The following RTF2 variants were observed in gnomAD, a reference collection of about 807,000 sequenced individuals.
RTF2 encodes replication termination factor 2, also known as UPF0549 protein C20orf43.
Under a neutral mutation model 38.0 loss-of-function variants are expected in RTF2, and 18 were observed. The ratio of observed to expected loss-of-function variants is 0.47; its 90% CI spans 0.33 to 0.70. RTF2 has a LOEUF of 0.70. Ranked by LOEUF, RTF2 falls within the 30% of genes least tolerant of loss-of-function variation. RTF2 has a pLI of 0.02. For missense variants in RTF2, 311 were observed against 379.6 expected, an observed-to-expected ratio of 0.82 and a Z score of 1.50; for synonymous variants, 126 against 137.1, an observed-to-expected ratio of 0.92 and a Z score of 0.57.
chr20:56,473,379 G>A lies in RTF2; in HGVS notation c.148G>A (p.Ala50Thr). 1 of 1,612,232 alleles carries A rather than the reference G, an allele frequency of 6.2e-7. No individual in the cohort carries two copies. The highest frequency in any genetic ancestry group is 8.5e-7 in the Non-Finnish European group (1 of 1,178,396). Residue 50 changes from alanine (A) to threonine (T), a missense_variant, in exon 2 of 9, where the codon GCC (alanine) becomes ACC (threonine). Physicochemically the swap from Ala to Thr is moderately conservative, Grantham distance 58 (BLOSUM62 0). Coordinates refer to ENST00000357348, the MANE Select transcript of RTF2 (RefSeq NM_016407.5). ...SQEILRRPIV[A>T]CELGRLYNKD... Reference sequence around the variant, plus strand: ...GGAAATATTAAGACGACCAATAGTTGCCTGTGAACTTGGCAGGTATGGTTT... The same window carrying A: ...GGAAATATTAAGACGACCAATAGTTACCTGTGAACTTGGCAGGTATGGTTT...
At chr20:56,482,980 A>T (rs906556597) in intron 4 of RTF2, among the ~76,000 whole-genome samples, 36 of 152,182 alleles carry the variant, frequency 2.4e-4, no homozygotes, top group Admixed American at 5.9e-4. Context: ...ATATGTATTT[A>T]ATAACCTCTT....
At chr20:56,478,380 C>T (rs906667454) in intron 4 of RTF2, among the ~76,000 whole-genome samples, 9 of 151,884 alleles carry the variant, frequency 5.9e-5, no homozygotes, top group African/African-American at 2.2e-4. Flanking sequence ...CTATAGACCT[C>T]GCTACTTGGG....
chr20:56,469,258 G>A (rs150851034), intron 1 of RTF2, among the ~76,000 whole-genome samples: 2 of 152,298 alleles, frequency 1.3e-5, no homozygotes, highest in Non-Finnish European at 2.9e-5. Context: ...GCTGTACGTG[G>A]TTGATTTGTA....
At chr20:56,491,443 A>G (rs113542963) in intron 5 of RTF2, 4 of 711,948 alleles carry the variant, frequency 5.6e-6, no homozygotes, top group African/African-American at 5.3e-5. Flanking sequence ...ATGTTTCTGA[A>G]TTCATTTTAG....
intron 5 of RTF2, chr20:56,497,415 T>C (rs969497149): frequency 3.9e-6 from 6 of 1,549,068 alleles, no homozygotes; most frequent in Non-Finnish European, 5.2e-6. Flanking sequence ...TTTTGCAATT[T>C]AGGGGGCCGC....
At chr20:56,469,542 C>G (rs1314541684) in intron 1 of RTF2, among the ~76,000 whole-genome samples, 2 of 152,176 alleles carry the variant, frequency 1.3e-5, no homozygotes, top group African/African-American at 4.8e-5. Flanking sequence ...AAAGTTAGCA[C>G]AAGTAATTAC....
chr20:56,513,809 T>A (rs988810733), intron 6 of RTF2: 6 of 219,040 alleles, frequency 2.7e-5, no homozygotes, highest in African/African-American at 1.3e-4. Context: ...TGCTGTTGAT[T>A]TAAGGCAGTA....
chr20:56,507,951 C>A (rs751126296), intron 5 of RTF2, among the ~76,000 whole-genome samples: 2 of 152,170 alleles, frequency 1.3e-5, no homozygotes, highest in Non-Finnish European at 2.9e-5. Context: ...GCAGGCTGTC[C>A]CTCCTCCTGT....
chr20:56,516,979 T>A lies in RTF2; in HGVS notation c.636T>A (p.Asp212Glu). 6.2e-7 allele frequency: 1 copy of A among 1,614,050 alleles called. No homozygotes were observed. Among genetic ancestry groups the A allele is most frequent in the Non-Finnish European group, 8.5e-7 (1 of 1,179,892 alleles). ...PKAAESVSKP[D>E]VSEEAPGPSK... is the part of the protein sequence containing the mutation. ...CAGCAGAGTCTGTTTCAAAACCAGA[T>A]GTCAGTGAAGGTAAGATCCTTCAAG... The change falls in exon 7 of 9, where the codon GAT (aspartate) becomes GAA (glutamate). Residue 212 changes from aspartate to glutamate, a missense_variant. Physicochemically the swap from Asp to Glu is conservative, Grantham distance 45. Coordinates refer to ENST00000357348, the MANE Select transcript of RTF2 (RefSeq NM_016407.5).
rs536859495 is a variant in RTF2, at chr20:56,472,248, G to A, written c.70-1053G>A. The A allele has an allele frequency of 6.7e-5, 56 of 834,756 alleles. No homozygotes were observed. The East Asian group carries it at 1.5e-3, about 22-fold the overall frequency. The allele number at this position is 834,756 out of a possible 1,614,324, so 51.7% of individuals were successfully genotyped here. Reference sequence around the variant, plus strand: ...AAAATAAATTAATAAAATAAATTCAGCAGGATTGTTTTTGTCTTCTTTTTT... The same window carrying A: ...AAAATAAATTAATAAAATAAATTCAACAGGATTGTTTTTGTCTTCTTTTTT... On this transcript the variant is annotated intron_variant, in intron 1 of 8. Transcript: ENST00000357348.
intron 5 of RTF2, among the ~76,000 whole-genome samples, chr20:56,485,687 G>A (rs1317938276): frequency 2.0e-5 from 3 of 152,160 alleles, no homozygotes; most frequent in African/African-American, 7.2e-5. Flanking sequence ...TTTCTTTTAA[G>A]AAAAGAAATT....
chr20:56,512,621 G>A (rs1276421341), intron 5 of RTF2, among the ~76,000 whole-genome samples: 1 of 152,142 alleles, frequency 6.6e-6, no homozygotes, highest in East Asian at 1.9e-4. Context: ...GGTGTGTTGG[G>A]CGCCCCCAAG....
At chr20:56,513,189 A>C in intron 5 of RTF2, 126 bp from the exon 6 acceptor site, 1 of 1,320,902 alleles carries the variant, frequency 7.6e-7, no homozygotes, top group Non-Finnish European at 1.0e-6. Flanking sequence ...CTTTGACCAG[A>C]AAGCCGGTAA....
chr20:56,474,571 C>T (rs964058981), intron 2 of RTF2, 107 bp from the exon 3 acceptor site: 8 of 634,474 alleles, frequency 1.3e-5, no homozygotes, highest in Non-Finnish European at 2.2e-5. Flanking sequence ...CAGGGTATTT[C>T]TCTTATCAAA....
In RTF2 at chr20:56,513,309, C is replaced by G; in HGVS notation, c.478-6C>G. Reference sequence around the variant, plus strand: ...GAATCTGCCCTCTCTTGTTTGCCCTCTCCAGTGTGGGGCTGCCTTCCAGGA... The same window carrying G: ...GAATCTGCCCTCTCTTGTTTGCCCTGTCCAGTGTGGGGCTGCCTTCCAGGA... On this transcript the variant is annotated splice_region_variant and splice_polypyrimidine_tract_variant and intron_variant, in intron 5 of 8. Coordinates refer to ENST00000357348, the MANE Select transcript of RTF2 (RefSeq NM_016407.5). 2 of 1,589,254 alleles carry G rather than the reference C, an allele frequency of 1.3e-6. No homozygotes were observed. The highest frequency in any genetic ancestry group is 1.7e-6 in the Non-Finnish European group (2 of 1,168,366).
intron 1 of RTF2, among the ~76,000 whole-genome samples, chr20:56,469,877 C>T (rs1423190164): frequency 6.6e-6 from 1 of 152,222 alleles, no homozygotes; most frequent in Non-Finnish European, 1.5e-5. Context: ...CTGAAATACT[C>T]TTCACTGAGA....
intron 5 of RTF2, among the ~76,000 whole-genome samples, chr20:56,488,888 C>T (rs1046402284): frequency 2.6e-5 from 4 of 152,198 alleles, no homozygotes; most frequent in African/African-American, 7.2e-5. Flanking sequence ...CCCTGCCTCT[C>T]GGCCTCCCTG....
chr20:56,490,267 C>G (rs1358721293), intron 5 of RTF2, among the ~76,000 whole-genome samples: 2 of 152,312 alleles, frequency 1.3e-5, no homozygotes, highest in East Asian at 3.9e-4. Context: ...CCTCTGGTTC[C>G]TGTGTTCCCA....
chr20:56,497,456 TTC>T (rs760532946), intron 5 of RTF2: 29 of 1,526,774 alleles, frequency 1.9e-5, no homozygotes, highest in Non-Finnish European at 1.8e-5. Flanking sequence ...CGGAACACAG[TTC>T]ATCTGGGTAA....
Sources: gnomAD v4.1 joint callset for allele counts (sites outside exome capture counted in the v4.1 genomes callset) on GRCh38, gnomAD v4.1.1 for gene constraint, MANE v1.5 for transcripts, NCBI Gene and HGNC (gene_info 2026-07-23, HGNC 2026-07-21) for gene names.